Variants in COL12A1 observed in about 807,000 individuals in gnomAD.
The protein encoded by COL12A1 is collagen type XII alpha 1 chain, also known as collagen alpha-1(XII) chain.
COL12A1 carries 114 observed loss-of-function variants against 349.7 expected under a neutral mutation model. The observed-to-expected ratio is 0.33, with a 90% CI of 0.28 to 0.38. COL12A1 has a LOEUF of 0.38. COL12A1 is among the 10% of genes least tolerant of loss of function. The pLI is 1.00. For synonymous variants in COL12A1, 1,369 were observed against 1,329.0 expected, an observed-to-expected ratio of 1.03 and a Z score of -0.66; for missense variants, 3,284 against 3,756.9, an observed-to-expected ratio of 0.87 and a Z score of 3.29.
chr6:75,191,849 T>C, intron 4 of COL12A1, 89 bp from the exon 5 acceptor site: 5 of 753,698 alleles, frequency 6.6e-6, no homozygotes, highest in African/African-American at 1.8e-5. Context: ...TTAGTTTTTG[T>C]TATTGTCTCT....
rs765488692 is a variant in COL12A1, at chr6:75,086,558, C to T, written c.9182-1G>A. 1 of 1,604,366 alleles carries T rather than the reference C, an allele frequency of 6.2e-7. No individual in the cohort carries two copies. The highest frequency in any genetic ancestry group is 1.3e-5 in the African/African-American group (1 of 74,390). ...ACTTAGAAAATGTGTTAGCCGGAACCTGAAACAGGTCAAAGATGATAGTTT... is the reference window on the plus strand; with the variant it reads ...ACTTAGAAAATGTGTTAGCCGGAACTTGAAACAGGTCAAAGATGATAGTTT... On this transcript the variant is annotated splice_acceptor_variant, in intron 65 of 65. Coordinates refer to ENST00000322507, the MANE Select transcript of COL12A1 (RefSeq NM_004370.6). LOFTEE classifies it high-confidence loss of function.
Position 75,087,588 on chromosome 6 carries a change from T to TA in COL12A1, c.9169_9170insT (p.Gln3057LeufsTer48). 1 of 1,613,904 alleles carries TA rather than the reference T, an allele frequency of 6.2e-7. No homozygotes were observed. Among genetic ancestry groups the TA allele is most frequent in the Non-Finnish European group, 8.5e-7 (1 of 1,179,920 alleles). On this transcript the variant is annotated frameshift_variant, in exon 65 of 66. Transcript: ENST00000322507. LOFTEE classifies it high-confidence loss of function. Reference sequence around the variant, plus strand: ...TGGCAACAACGTACCTGGATAGCCTTGCCCGTTGTATGGGATGCTGGCACA... The same window carrying TA: ...TGGCAACAACGTACCTGGATAGCCTTAGCCCGTTGTATGGGATGCTGGCACA...
chr6:75,168,700 T>C (rs1343255831), intron 13 of COL12A1, among the ~76,000 whole-genome samples: 1 of 152,246 alleles, frequency 6.6e-6, no homozygotes, highest in East Asian at 1.9e-4. Context: ...CAATTCTTTA[T>C]TCTTTCCCCT....
chr6:75,137,164 T>G (rs191507991), intron 31 of COL12A1, among the ~76,000 whole-genome samples: 19 of 152,284 alleles, frequency 1.2e-4, no homozygotes, highest in African/African-American at 4.6e-4. Flanking sequence ...CACTAATAGT[T>G]TTTAAAGGAA....
rs368526865 is a variant in COL12A1, at chr6:75,137,483, T to C, written c.5348A>G (p.Tyr1783Cys). ...TGTGGAAGGCTGATAAGTGATCCTATATTTCTGCACACGACCACTAGCAGG... is the reference window on the plus strand; with the variant it reads ...TGTGGAAGGCTGATAAGTGATCCTACATTTCTGCACACGACCACTAGCAGG... ...WDPASGRVQK[Y>C]RITYQPSTGE... Residue 1783 changes from tyrosine to cysteine, a missense_variant, in exon 31 of 66, where the codon TAT becomes TGT. By Grantham distance (194) the Tyr-to-Cys change is radical. Coordinates refer to ENST00000322507, the MANE Select transcript of COL12A1 (RefSeq NM_004370.6). 1.9e-6 allele frequency: 3 copies of C among 1,613,674 alleles called. No homozygotes were observed. Among genetic ancestry groups the C allele is most frequent in the Non-Finnish European group, 1.7e-6 (2 of 1,179,840 alleles).
rs747035312 is a variant in COL12A1 at position 75,113,670 on chromosome 6, C to T, written c.7772G>A (p.Ser2591Asn). Residue 2591 changes from serine (S) to asparagine (N), a missense_variant, in exon 50 of 66, where the codon AGT becomes AAT. Ser to Asn is a conservative substitution (Grantham distance 46). Around this residue, in one of 2 missense-constraint regions of COL12A1, gnomAD observed 683 missense variants for 932.1 expected, o/e 0.73. Coordinates refer to ENST00000322507, the MANE Select transcript of COL12A1 (RefSeq NM_004370.6). ...LLFRLLPETP[S>N]DPFAIWQITD... ...GATTTGCCAAATTGCAAAAGGGTCA[C>T]TGGGAGTTTCTGGGAGAAGTCTGAA... 1 of 1,606,458 alleles carries T rather than the reference C, an allele frequency of 6.2e-7. No individual in the cohort carries two copies. The highest frequency in any genetic ancestry group is 2.2e-5 in the East Asian group (1 of 44,734).
intron 49 of COL12A1, among the ~76,000 whole-genome samples, chr6:75,114,335 A>G (rs934128883): frequency 6.6e-6 from 1 of 151,950 alleles, no homozygotes; most frequent in East Asian, 1.9e-4. Flanking sequence ...CATTTTAAAT[A>G]TGAAGGCCAT....
At chr6:75,144,202 T>C (rs1767060000) in intron 25 of COL12A1, among the ~76,000 whole-genome samples, 1 of 152,158 alleles carries the variant, frequency 6.6e-6, no homozygotes, top group Non-Finnish European at 1.5e-5. Flanking sequence ...ATATTTGTTT[T>C]TAATCTCACT....
At chr6:75,134,666 A>G in intron 32 of COL12A1, 60 bp downstream of exon 32, 1 of 1,416,904 alleles carries the variant, frequency 7.1e-7, no homozygotes, top group Non-Finnish European at 9.4e-7. Flanking sequence ...CCAGATAAAG[A>G]GATGATTCCA....
chr6:75,101,535 T>C, intron 58 of COL12A1, 65 bp downstream of exon 58: 1 of 1,516,748 alleles, frequency 6.6e-7, no homozygotes, highest in Non-Finnish European at 9.0e-7. Flanking sequence ...TGAAGGGTTC[T>C]TAATTAATAG....
intron 7 of COL12A1, 62 bp from the exon 8 acceptor site, chr6:75,188,597 T>C: frequency 1.3e-6 from 2 of 1,530,540 alleles, no homozygotes; most frequent in East Asian, 2.3e-5. Flanking sequence ...CTTGGAGAAG[T>C]TCTTCGTTTT....
chr6:75,086,670 A>C (rs908667914), intron 65 of COL12A1, 113 bp from the exon 66 acceptor site: 4 of 364,100 alleles, frequency 1.1e-5, no homozygotes, highest in South Asian at 8.3e-5. Context: ...ATATATATAT[A>C]TATCCATATA....
rs747570482 is a variant in COL12A1, at chr6:75,124,295, C to T, written c.6684G>A (p.Arg2228=). 1.9e-6 allele frequency: 3 copies of T among 1,613,694 alleles called. No individual in the cohort carries two copies. The East Asian group carries it at 6.7e-5, about 36-fold the overall frequency. Reference sequence around the variant, plus strand: ...GTTTTAGCCTGTAGGAGGTGGCTGCCCGGTGAGGTGACCATTTGACACAGA... The same window carrying T: ...GTTTTAGCCTGTAGGAGGTGGCTGCTCGGTGAGGTGACCATTTGACACAGA... ...DTFCVKWSPH[R]AATSYRLKLS... The change falls in exon 41 of 66, where the codon CGG becomes CGA. Residue 2228 remains arginine (R), a synonymous_variant. Coordinates refer to ENST00000322507, the MANE Select transcript of COL12A1 (RefSeq NM_004370.6).
chr6:75,194,712 G>T, intron 3 of COL12A1, 119 bp downstream of exon 3: 2 of 596,808 alleles, frequency 3.4e-6, no homozygotes, highest in Non-Finnish European at 5.7e-6. Flanking sequence ...TGGTGACATG[G>T]ATCAAATCCC....
At chr6:75,117,231 G>A (rs977977096) in intron 47 of COL12A1, 151 bp downstream of exon 47, 26 of 673,044 alleles carry the variant, frequency 3.9e-5, no homozygotes, top group South Asian at 4.8e-5. Context: ...TAGCATGATC[G>A]CAATAGGAAC....
chr6:75,163,061 G>A (rs1275244263), intron 14 of COL12A1, among the ~76,000 whole-genome samples: 3 of 152,312 alleles, frequency 2.0e-5, no homozygotes, highest in Middle Eastern at 3.4e-3. Context: ...TACACTGTTG[G>A]TAGCAGTGTA....
intron 31 of COL12A1, among the ~76,000 whole-genome samples, chr6:75,136,412 C>A (rs1766611634): frequency 6.6e-6 from 1 of 152,094 alleles, no homozygotes; most frequent in East Asian, 1.9e-4. Context: ...CAAAGTCACA[C>A]TAGAGATGGG....
At chr6:75,123,062 T>C (rs1316792012) in intron 43 of COL12A1, among the ~76,000 whole-genome samples, 2 of 152,202 alleles carry the variant, frequency 1.3e-5, no homozygotes, top group African/African-American at 4.8e-5. Flanking sequence ...CTATGGACCA[T>C]GGAAGACCTA....
At chr6:75,174,949 T>C in intron 13 of COL12A1, 89 bp downstream of exon 13, 2 of 1,413,676 alleles carry the variant, frequency 1.4e-6, no homozygotes, top group South Asian at 2.6e-5. Context: ...TGCACACTTC[T>C]AGATTCATTG....
Sources: gnomAD v4.1 joint callset for allele counts (sites outside exome capture counted in the v4.1 genomes callset) on GRCh38, gnomAD v4.1.1 for gene constraint, gnomAD v4.1.1 regional missense constraint, MANE v1.5 for transcripts, NCBI Gene and HGNC (gene_info 2026-07-23, HGNC 2026-07-21) for gene names.